Variants in ATP2C2 observed in about 807,000 individuals in gnomAD.
The protein encoded by ATP2C2 is calcium-transporting ATPase type 2C member 2.
ATP2C2 carries 171 observed loss-of-function variants against 110.8 expected under a neutral mutation model. The observed-to-expected ratio is 1.54, with a 90% CI of 1.36 to 1.75. The LOEUF is 1.75. ATP2C2 is among the 40% of genes most tolerant of loss of function. ATP2C2 has a pLI of 0.00. For synonymous variants in ATP2C2, 804 were observed against 508.4 expected, an observed-to-expected ratio of 1.58 and a Z score of -7.82; for missense variants, 1,963 against 1,235.0, an observed-to-expected ratio of 1.59 and a Z score of -8.84.
At chr16:84,379,175 C>G (rs376560281) in intron 1 of ATP2C2, among the ~76,000 whole-genome samples, 1 of 151,080 alleles carries the variant, frequency 6.6e-6, no homozygotes, top group African/African-American at 2.4e-5. Context: ...CTACCCTCCC[C>G]TCTCCTGTCG....
chr16:84,436,882 C>A (rs1013035324), intron 11 of ATP2C2, among the ~76,000 whole-genome samples: 1 of 151,900 alleles, frequency 6.6e-6, no homozygotes, highest in African/African-American at 2.4e-5. Context: ...CCTGCCTCAG[C>A]CTCCCGAGTA....
At chr16:84,428,227 G>A (rs77042083) in intron 11 of ATP2C2, among the ~76,000 whole-genome samples, 2 of 152,230 alleles carry the variant, frequency 1.3e-5, no homozygotes, top group African/African-American at 4.8e-5. Flanking sequence ...ATGGTATCAG[G>A]TACCTAGTAT....
rs1234687811 is a variant in ATP2C2 at position 84,408,305 on chromosome 16, C to T, written c.328-100C>T. On this transcript the variant is annotated intron_variant, in intron 3 of 26. Transcript: ENST00000262429. ...ATGGTGTTGACCTGGAAGCCTGGCCCTGAACTGAGACCCCTGTCACACAAA... is the reference window on the plus strand; with the variant it reads ...ATGGTGTTGACCTGGAAGCCTGGCCTTGAACTGAGACCCCTGTCACACAAA... The T allele has an allele frequency of 2.6e-6, 3 of 1,165,030 alleles. No homozygotes were observed. The African/African-American group carries it at 4.5e-5, about 18-fold the overall frequency. 72.2% of individuals were successfully genotyped at this position (1,165,030 alleles called of 1,614,324 possible). A position where few individuals can be genotyped will look rare whatever the true frequency, so the allele number is the denominator to read the frequency against.
intron 1 of ATP2C2, among the ~76,000 whole-genome samples, chr16:84,378,589 G>A (rs1910387824): frequency 6.6e-6 from 1 of 152,202 alleles, no homozygotes; most frequent in South Asian, 2.1e-4. Flanking sequence ...AAAACTCTCT[G>A]CACAATGCCT....
chr16:84,439,016 G>C (rs1908993493), intron 11 of ATP2C2, 150 bp from the exon 12 acceptor site: 1 of 1,198,264 alleles, frequency 8.3e-7, no homozygotes, highest in African/African-American at 1.5e-5. Flanking sequence ...AAGGAGGCAG[G>C]TGCACCTTAG....
intron 4 of ATP2C2, 107 bp downstream of exon 4, chr16:84,408,601 A>G (rs1378374961): frequency 3.6e-6 from 3 of 830,778 alleles, no homozygotes; most frequent in East Asian, 2.7e-5. Flanking sequence ...GTAGGGGGGA[A>G]AAAGGAGCAT....
intron 1 of ATP2C2, among the ~76,000 whole-genome samples, chr16:84,397,589 A>C (rs1174503254): frequency 7.2e-6 from 1 of 139,544 alleles, no homozygotes; most frequent in Non-Finnish European, 1.5e-5. Context: ...CAGGAGGATC[A>C]CCTGAGCCTG....
intron 20 of ATP2C2, among the ~76,000 whole-genome samples, chr16:84,454,363 G>T (rs1185343878): frequency 1.3e-5 from 2 of 152,184 alleles, no homozygotes; most frequent in East Asian, 3.9e-4. Context: ...TTGCTCTTGA[G>T]CTCTTTTAGT....
chr16:84,369,050 G>C (rs1427296158), intron 1 of ATP2C2, among the ~76,000 whole-genome samples: 1 of 152,160 alleles, frequency 6.6e-6, no homozygotes, highest in African/African-American at 2.4e-5. Context: ...AAAATTCCTG[G>C]GTCTCCAGAC....
rs1261671006 is a variant in ATP2C2, at chr16:84,446,426, C to G, written c.1499C>G (p.Thr500Ser). Residue 500 changes from threonine to serine, a missense_variant, in exon 16 of 27, where the codon ACT becomes AGT. Coordinates refer to ENST00000262429, the MANE Select transcript of ATP2C2 (RefSeq NM_014861.4). The part of the protein sequence containing the change: ...KWMAVKCSLK[T>S]EDQEDIYFMK... ...ATGGCGGTGAAATGCAGTCTGAAGA[C>G]TGAGGTGAGACCTTTCAATCTTCAA... 6.3e-7 allele frequency: 1 copy of G among 1,595,902 alleles called. No homozygotes were observed. Among genetic ancestry groups the G allele is most frequent in the Non-Finnish European group, 8.5e-7 (1 of 1,171,526 alleles).
At chr16:84,377,032 T>C in intron 1 of ATP2C2, among the ~76,000 whole-genome samples, 1 of 152,240 alleles carries the variant, frequency 6.6e-6, no homozygotes, top group East Asian at 1.9e-4. Flanking sequence ...ACCTCTGGTC[T>C]CTAAGGCATC....
chr16:84,441,077 A>G (rs745398278), intron 14 of ATP2C2, 119 bp downstream of exon 14: 171 of 870,396 alleles, frequency 2.0e-4, no homozygotes, highest in Non-Finnish European at 2.9e-4. Flanking sequence ...TGGCCCATCC[A>G]GGGGTGAGGC....
intron 15 of ATP2C2, 81 bp from the exon 16 acceptor site, chr16:84,446,248 T>A: frequency 1.3e-6 from 1 of 763,138 alleles, no homozygotes; most frequent in Non-Finnish European, 2.0e-6. Context: ...GTTTGAACAA[T>A]GAATAATTTA....
Position 84,456,398 on chromosome 16 carries a change from A to G in ATP2C2, c.2147+1414A>G, listed in dbSNP as rs570113885. 4.3e-4 allele frequency among the ~76,000 whole-genome samples: 65 copies of G among 151,980 alleles called. 1 individual carries two copies. The South Asian group carries it at 0.013, about 30-fold the overall frequency. On this transcript the variant is annotated intron_variant, in intron 21 of 26. Transcript: ENST00000262429. ...ACAGCCAATATCATACTGAATGGGCAAAAACTGGAAGCATTCCCTTTGAAA... is the reference window on the plus strand; with the variant it reads ...ACAGCCAATATCATACTGAATGGGCGAAAACTGGAAGCATTCCCTTTGAAA...
rs1465939517 is a variant in ATP2C2, at chr16:84,448,666, G to C, written c.1637G>C (p.Arg546Thr). Residue 546 changes from arginine (R) to threonine (T), a missense_variant, in exon 17 of 27, where the codon AGG becomes ACG. Transcript: ENST00000262429. ...QRSFCLQEEK[R>T]MGSLGLRVLA... ...TCATTCTGCCTGCAGGAAGAGAAGA[G>C]GATGGGGTCGCTCGGTTTGCGGGGT... 2.5e-6 allele frequency: 4 copies of C among 1,613,484 alleles called. No homozygotes were observed. Among genetic ancestry groups the C allele is most frequent in the Non-Finnish European group, 3.4e-6 (4 of 1,179,768 alleles).
At chr16:84,416,885 C>G (rs996833652) in intron 7 of ATP2C2, among the ~76,000 whole-genome samples, 2 of 151,494 alleles carry the variant, frequency 1.3e-5, no homozygotes, top group African/African-American at 4.9e-5. Context: ...GGAAGCTGGG[C>G]TCACATTTTC....
rs139228980 is a variant in ATP2C2, at chr16:84,383,447, G to A, written c.99+14733G>A. ...GATGATAAGCAGCCATGTCTGGTCC[G>A]TAGTATGTGCTCAGCCAATGCGGGT... On this transcript the variant is annotated intron_variant, in intron 1 of 26. Transcript: ENST00000262429. Among the ~76,000 whole-genome samples the A allele has an allele frequency of 1.6e-4, 24 of 152,332 alleles. No individual in the cohort carries two copies. In the East Asian group the frequency reaches 3.1e-3, roughly 20 times the overall value.
At chr16:84,405,311 A>C in intron 3 of ATP2C2, 67 bp downstream of exon 3, 1 of 1,369,960 alleles carries the variant, frequency 7.3e-7, no homozygotes, top group South Asian at 1.3e-5. Flanking sequence ...CAGCCATTCC[A>C]TCTTTCAATG....
chr16:84,454,737 G>C, intron 20 of ATP2C2, 81 bp from the exon 21 acceptor site: 1 of 1,419,298 alleles, frequency 7.0e-7, no homozygotes, highest in South Asian at 1.5e-5. Flanking sequence ...AGGTGTCTGT[G>C]GCTGGCCACA....
Sources: allele counts gnomAD v4.1 joint callset (sites outside exome capture counted in the v4.1 genomes callset), GRCh38; gene constraint gnomAD v4.1.1; transcripts MANE v1.5; gene names NCBI Gene and HGNC (gene_info 2026-07-23, HGNC 2026-07-21).